The following UACA variants were observed in gnomAD, a reference collection of about 807,000 sequenced individuals.
The protein encoded by UACA is nuclear membrane binding protein.
A neutral mutation model predicts 160.5 loss-of-function variants in UACA; 112 were observed. That is an observed-to-expected ratio of 0.70 (90% CI 0.60 to 0.82). The LOEUF is 0.82. Among genes scored for constraint, UACA ranks in the 40% least tolerant of loss-of-function variants. UACA has a pLI of 0.00. For synonymous variants in UACA, 557 were observed against 568.4 expected (o/e 0.98, Z 0.29); for missense variants, 1,574 against 1,614.6 (o/e 0.97, Z 0.43).
Position 70,671,087 on chromosome 15 carries a change from T to C in UACA, c.1173A>G (p.Lys391=), listed in dbSNP as rs945191881. ...GACCTTGTTTAAGAAGCATATCTTC[T>C]TTTCCTAAATAAATGCAAATGAATG... is the stretch of plus-strand genomic sequence containing the variant. ...LGSGSHFSNR[K]EDMLLKQGQM... The change falls in exon 15 of 19, where the codon AAA becomes AAG. Residue 391 remains lysine, a synonymous_variant. Coordinates refer to ENST00000322954, the MANE Select transcript of UACA (RefSeq NM_018003.4). 4 of 1,591,418 alleles carry C rather than the reference T, an allele frequency of 2.5e-6. No homozygotes were observed. Among genetic ancestry groups the C allele is most frequent in the African/African-American group, 2.7e-5 (2 of 74,328 alleles).
At chr15:70,763,920 C>T (rs1011019716), upstream of UACA, among the ~76,000 whole-genome samples, 3 of 152,234 alleles carry the variant, frequency 2.0e-5, no homozygotes, top group African/African-American at 7.2e-5. Flanking sequence ...TCCTTCCCTT[C>T]CGTCTGGTCT....
rs547279768 is a variant in UACA, at chr15:70,713,702, ACT to A, written c.79-14044_79-14043del. Among the ~76,000 whole-genome samples the A allele has an allele frequency of 1.8e-3, 270 of 152,238 alleles. 1 individual carries two copies. Among genetic ancestry groups the A allele is most frequent in the Non-Finnish European group, 2.7e-3 (183 of 68,006 alleles). ...CTTTGGAATCAAGTCTACAAAAATA[ACT>A]CATCCTGACATACTATTTTTTTTCA... On this transcript the variant is annotated intron_variant, in intron 1 of 18. Coordinates refer to ENST00000322954, the MANE Select transcript of UACA (RefSeq NM_018003.4).
rs886388966 is a variant in UACA at position 70,657,047 on chromosome 15, T to G, written c.*9A>C. ...AGATAAAACAGATACTGGCAGTCAGTGCTAACGGCTAGCACACAAGCCCCT... is the reference window on the plus strand; with the variant it reads ...AGATAAAACAGATACTGGCAGTCAGGGCTAACGGCTAGCACACAAGCCCCT... On this transcript the variant is annotated 3_prime_UTR_variant, in exon 19 of 19. Transcript: ENST00000322954. 11 of 1,613,246 alleles carry G rather than the reference T, an allele frequency of 6.8e-6. No homozygotes were observed. The Admixed American group carries it at 1.7e-4, about 24-fold the overall frequency.
chr15:70,658,289 C>G (rs1391323860), intron 18 of UACA, among the ~76,000 whole-genome samples: 1 of 152,028 alleles, frequency 6.6e-6, no homozygotes, highest in Non-Finnish European at 1.5e-5. Flanking sequence ...TTACCCATTC[C>G]CCTAACGATG....
At chr15:70,686,654 T>G (rs1897734954) in intron 7 of UACA, among the ~76,000 whole-genome samples, 1 of 152,062 alleles carries the variant, frequency 6.6e-6, no homozygotes, top group Non-Finnish European at 1.5e-5. Context: ...AGAAAACAAT[T>G]ACAGCTATAA....
chr15:70,769,346 A>AG, the UACA span, among the ~76,000 whole-genome samples: 1 of 150,694 alleles, frequency 6.6e-6, no homozygotes, highest in Admixed American at 6.6e-5. Flanking sequence ...CTCAAAAAAA[A>AG]AAAAAAAAAA....
In UACA at chr15:70,663,872, G is replaced by A. The variant is rs544350872; in HGVS notation, c.4113+790C>T. ...CATCACACACTGGGGCCTGTTGTGG[G>A]GTGGGGGGAGGGGGGAGGGATAGCA... is the stretch of plus-strand genomic sequence containing the variant. On this transcript the variant is annotated intron_variant, in intron 17 of 18. Transcript: ENST00000322954. Among the ~76,000 whole-genome samples the A allele has an allele frequency of 3.5e-5, 4 of 113,284 alleles. No homozygotes were observed. In the South Asian group the frequency reaches 1.2e-3, roughly 33 times the overall value. The allele number at this position is 113,284 out of a possible 152,430, so 74.3% of individuals were successfully genotyped here.
chr15:70,750,397 CCCCTTGCTATTGTTCTAGGATCCT>C (rs959399163), intron 1 of UACA, among the ~76,000 whole-genome samples: 9 of 152,158 alleles, frequency 5.9e-5, no homozygotes, highest in South Asian at 2.1e-4. Flanking sequence ...CCCACCCAAT[CCCCTTGCTATTGTTCTAGGATCCT>C]CCCTTGCTAT....
Position 70,654,682 on chromosome 15 carries a change from A to G in UACA, c.*2374T>C, listed in dbSNP as rs961814928. ...AAAAACTACACAGAACAAGAGTAATAAAGTTCTCAAGTAAGGATTGCACTC... is the reference window on the plus strand; with the variant it reads ...AAAAACTACACAGAACAAGAGTAATGAAGTTCTCAAGTAAGGATTGCACTC... On this transcript the variant is annotated 3_prime_UTR_variant, in exon 19 of 19. Coordinates refer to ENST00000322954, the MANE Select transcript of UACA (RefSeq NM_018003.4). 1.3e-5 allele frequency: 2 copies of G among 152,088 alleles called. No homozygotes were observed. The highest frequency in any genetic ancestry group is 2.9e-5 in the Non-Finnish European group (2 of 68,014). 9.4% of individuals were successfully genotyped at this position (152,088 alleles called of 1,614,324 possible).
chr15:70,711,657 T>C lies in UACA; in HGVS notation c.79-11997A>G, dbSNP rs538531537. Reference sequence around the variant, plus strand: ...ACCAGGGGAAAGAAAATAGACATGATACCTGGCCTCAAGCAGGTGACAGGA... The same window carrying C: ...ACCAGGGGAAAGAAAATAGACATGACACCTGGCCTCAAGCAGGTGACAGGA... On this transcript the variant is annotated intron_variant, in intron 1 of 18. Coordinates refer to ENST00000322954, the MANE Select transcript of UACA (RefSeq NM_018003.4). Among the ~76,000 whole-genome samples the C allele has an allele frequency of 3.9e-5, 6 of 152,262 alleles. No individual in the cohort carries two copies. The East Asian group carries it at 9.6e-4, about 24-fold the overall frequency.
rs1402710829 is a variant in UACA, at chr15:70,667,976, TTATC to T, written c.2704_2707del (p.Asp902ArgfsTer5). Reference sequence around the variant, plus strand: ...CAGGTTTCTTTTTAATATTTCATTCTTATCTTTTATTTTTACAAATTCCTGATTT... The same window carrying T: ...CAGGTTTCTTTTTAATATTTCATTCTTTTTATTTTTACAAATTCCTGATTT... On this transcript the variant is annotated frameshift_variant, in exon 16 of 19. Coordinates refer to ENST00000322954, the MANE Select transcript of UACA (RefSeq NM_018003.4). LOFTEE classifies it high-confidence loss of function. 1.2e-6 allele frequency: 2 copies of T among 1,600,606 alleles called. No homozygotes were observed. Among genetic ancestry groups the T allele is most frequent in the Non-Finnish European group, 1.7e-6 (2 of 1,174,350 alleles).
intron 17 of UACA, among the ~76,000 whole-genome samples, chr15:70,662,699 A>G (rs1896754128): frequency 6.6e-6 from 1 of 152,212 alleles, no homozygotes; most frequent in Non-Finnish European, 1.5e-5. Flanking sequence ...GCCCTCAGAA[A>G]TAATGCCACA....
chr15:70,684,133 G>A, intron 8 of UACA, 132 bp downstream of exon 8: 2 of 704,008 alleles, frequency 2.8e-6, no homozygotes, highest in East Asian at 5.6e-5. Flanking sequence ...TGTTGTAGAG[G>A]GAGATGAACC....
At chr15:70,695,838 T>C (rs1173173620) in intron 2 of UACA, among the ~76,000 whole-genome samples, 3 of 152,222 alleles carry the variant, frequency 2.0e-5, no homozygotes, top group Non-Finnish European at 4.4e-5. Context: ...ATTATTTATT[T>C]AGTCATCTAA....
intron 1 of UACA, among the ~76,000 whole-genome samples, chr15:70,737,903 G>A (rs1414748710): frequency 6.6e-6 from 1 of 152,064 alleles, no homozygotes; most frequent in East Asian, 1.9e-4. Context: ...CACATTTCCA[G>A]GCCCACTCTA....
At chr15:70,677,333 C>T (rs1897330446) in intron 11 of UACA, among the ~76,000 whole-genome samples, 193 bp from the exon 12 acceptor site, 1 of 152,174 alleles carries the variant, frequency 6.6e-6, no homozygotes, top group Admixed American at 6.6e-5. Context: ...TTCAGAAGCA[C>T]TTTTGATTCT....
intron 1 of UACA, among the ~76,000 whole-genome samples, chr15:70,755,041 C>T (rs1030043743): frequency 6.6e-6 from 1 of 152,086 alleles, no homozygotes; most frequent in Admixed American, 6.6e-5. Context: ...ATGCTGTATC[C>T]TTTAGGTGGC....
At position 70,671,965 on chromosome 15, in the gene UACA, G is replaced by A. The variant is rs749149499; in HGVS notation, c.1168C>T (p.Arg390Ter). 6.3e-6 allele frequency: 10 copies of A among 1,593,368 alleles called. No homozygotes were observed. The highest frequency in any genetic ancestry group is 4.6e-5 in the South Asian group (4 of 86,816). Reference protein sequence around the residue: ...HLGSGSHFSNRKEDMLLKQGQ... With the variant: ...HLGSGSHFSN The stretch of plus-strand genomic sequence containing the variant: ...TGATAATCCATACTTTTATACTTAC[G>A]GTTACTGAAATGACTTCCTGATCCT... Residue 390 changes from arginine to a stop codon, truncating the protein, a stop_gained and splice_region_variant, in exon 14 of 19, where the codon CGA becomes TGA. Coordinates refer to ENST00000322954, the MANE Select transcript of UACA (RefSeq NM_018003.4). LOFTEE classifies it high-confidence loss of function.
At chr15:70,713,029 G>GA (rs367574124) in intron 1 of UACA, among the ~76,000 whole-genome samples, 1 of 152,270 alleles carries the variant, frequency 6.6e-6, no homozygotes, top group East Asian at 1.9e-4. Context: ...AGCAACCAAG[G>GA]AAAACAAACT....
Sources: allele counts gnomAD v4.1 joint callset (sites outside exome capture counted in the v4.1 genomes callset), GRCh38; gene constraint gnomAD v4.1.1; transcripts MANE v1.5; gene names NCBI Gene and HGNC (gene_info 2026-07-23, HGNC 2026-07-21).